KCNMB2: variants seen among roughly 807,000 people sequenced by gnomAD.
KCNMB2 encodes the protein calcium-activated potassium channel subunit beta-2.
In KCNMB2, 9 loss-of-function variants were observed where a neutral mutation model predicts 24.5. The observed-to-expected ratio is 0.37, with a 90% CI of 0.22 to 0.64. KCNMB2 has a LOEUF of 0.64. KCNMB2 is among the 30% of genes least tolerant of loss of function. The probability of loss-of-function intolerance (pLI) is 0.63; values close to 1 mark genes in which losing one functional copy is unlikely to be tolerated. For synonymous variants in KCNMB2, 109 were observed against 104.4 expected (o/e 1.04, Z -0.27); for missense variants, 226 against 284.3 (o/e 0.79, Z 1.47).
chr3:178,827,979 G>A (rs80111740), intron 3 of KCNMB2, among the ~76,000 whole-genome samples, 199 bp from the exon 4 acceptor site: 13 of 152,192 alleles, frequency 8.5e-5, no homozygotes, highest in Non-Finnish European at 1.8e-4. Context: ...ACGTTCTCAC[G>A]TGTCCACGTT....
intron 1 of KCNMB2, among the ~76,000 whole-genome samples, chr3:178,743,268 A>G (rs1195891154): frequency 1.3e-5 from 2 of 152,160 alleles, no homozygotes; most frequent in Non-Finnish European, 2.9e-5. Flanking sequence ...TACTGTAGAA[A>G]TGGTACACAT....
chr3:178,706,594 T>C (rs555483687), intron 1 of KCNMB2, among the ~76,000 whole-genome samples: 38 of 152,018 alleles, frequency 2.5e-4, no homozygotes, highest in Non-Finnish European at 4.7e-4. Context: ...AGGAACTTCA[T>C]AAAAAAGAGG....
At chr3:178,554,863 T>C (rs1425563759) in intron 1 of KCNMB2, among the ~76,000 whole-genome samples, 1 of 152,224 alleles carries the variant, frequency 6.6e-6, no homozygotes, top group African/African-American at 2.4e-5. Context: ...GGGTCTTTTG[T>C]AAGGACATGG....
At chr3:178,757,074 G>C (rs1167713098) in intron 1 of KCNMB2, 5 of 150,230 alleles carry the variant, frequency 3.3e-5, no homozygotes, top group African/African-American at 1.2e-4. Flanking sequence ...ACCCATCCTT[G>C]CTTACCTCTC....
chr3:178,597,744 C>T (rs1717928627), intron 1 of KCNMB2, among the ~76,000 whole-genome samples: 1 of 152,096 alleles, frequency 6.6e-6, no homozygotes, highest in Non-Finnish European at 1.5e-5. Context: ...TGCTCCTCAC[C>T]ATTCATTTTC....
At chr3:178,615,960 A>T (rs1718689950) in intron 1 of KCNMB2, among the ~76,000 whole-genome samples, 1 of 152,042 alleles carries the variant, frequency 6.6e-6, no homozygotes, top group Admixed American at 6.5e-5. Context: ...TAGAAATGTC[A>T]TCTGGGGGCT....
At chr3:178,757,332 G>GTATATATATCCAAGAGGATATATATATA (rs1724113178) in intron 1 of KCNMB2, among the ~76,000 whole-genome samples, 1 of 68,726 alleles carries the variant, frequency 1.5e-5, no homozygotes, top group Admixed American at 1.7e-4. Context: ...ATATATATAT[G>GTATATATATCCAAGAGGATATATATATA]TATATATATC....
At chr3:178,613,295 G>C (rs1718562588) in intron 1 of KCNMB2, among the ~76,000 whole-genome samples, 1 of 152,182 alleles carries the variant, frequency 6.6e-6, no homozygotes. Flanking sequence ...CTACTTGGGA[G>C]GCTGAGGCAG....
intron 1 of KCNMB2, among the ~76,000 whole-genome samples, chr3:178,665,548 C>A (rs1720688494): frequency 6.6e-6 from 1 of 152,090 alleles, no homozygotes; most frequent in Non-Finnish European, 1.5e-5. Context: ...TCTTTACAAG[C>A]TACTTTGCAC....
At chr3:178,612,259 T>C (rs994213674) in intron 1 of KCNMB2, among the ~76,000 whole-genome samples, 7 of 152,220 alleles carry the variant, frequency 4.6e-5, no homozygotes, top group Non-Finnish European at 1.5e-5. Flanking sequence ...AAATATCTAT[T>C]AGATCCATTT....
intron 1 of KCNMB2, among the ~76,000 whole-genome samples, chr3:178,765,342 G>A (rs974280075): frequency 6.6e-6 from 1 of 152,160 alleles, no homozygotes; most frequent in Non-Finnish European, 1.5e-5. Context: ...AAGATATGGG[G>A]TGAGTGTCTG....
At chr3:178,798,810 A>G (rs1250612750) in intron 1 of KCNMB2, among the ~76,000 whole-genome samples, 1 of 152,128 alleles carries the variant, frequency 6.6e-6, no homozygotes, top group African/African-American at 2.4e-5. Context: ...TGATAGGTGC[A>G]GCAAACCACC....
At chr3:178,693,072 A>C (rs1025063444) in intron 1 of KCNMB2, among the ~76,000 whole-genome samples, 3 of 152,196 alleles carry the variant, frequency 2.0e-5, no homozygotes, top group Non-Finnish European at 2.9e-5. Flanking sequence ...GTGTATAGAA[A>C]TGCTCATGAT....
chr3:178,742,500 G>A (rs183847791), intron 1 of KCNMB2, among the ~76,000 whole-genome samples: 232 of 152,188 alleles, frequency 1.5e-3, no homozygotes, highest in Non-Finnish European at 2.4e-3. Flanking sequence ...ATTTTTGGTC[G>A]AGGCAAAACT....
At chr3:178,606,913 A>G (rs529277722) in intron 1 of KCNMB2, among the ~76,000 whole-genome samples, 1 of 152,216 alleles carries the variant, frequency 6.6e-6, no homozygotes, top group South Asian at 2.1e-4. Flanking sequence ...TCATGTGAAG[A>G]CACAGCAAAA....
intron 1 of KCNMB2, among the ~76,000 whole-genome samples, chr3:178,712,384 A>T (rs1029088096): frequency 6.6e-6 from 1 of 152,206 alleles, no homozygotes; most frequent in African/African-American, 2.4e-5. Flanking sequence ...GGTTGCAGTC[A>T]TGTGAATAAG....
chr3:178,556,130 C>T (rs944891340), intron 1 of KCNMB2, among the ~76,000 whole-genome samples: 8 of 152,042 alleles, frequency 5.3e-5, no homozygotes, highest in South Asian at 2.1e-4. Context: ...TTCAGCAGGA[C>T]GTCACAGAGA....
Position 178,627,155 on chromosome 3 carries a change from C to T in KCNMB2, c.-68+90444C>T, listed in dbSNP as rs367854967. 3.7e-4 allele frequency among the ~76,000 whole-genome samples: 57 copies of T among 152,024 alleles called. 2 individuals carry two copies. In the South Asian group the frequency reaches 8.7e-3, roughly 23 times the overall value. ...ACATTGAGATTTATTTTATTCTCTCCGTGTTAAAAGTCTAAACTTCTGAAG... is the reference window on the plus strand; with the variant it reads ...ACATTGAGATTTATTTTATTCTCTCTGTGTTAAAAGTCTAAACTTCTGAAG... On this transcript the variant is annotated intron_variant, in intron 1 of 4. Coordinates refer to ENST00000452583, the MANE Select transcript of KCNMB2 (RefSeq NM_181361.3).
rs567433629 is a variant in KCNMB2, at chr3:178,842,812, G to A, written c.583G>A (p.Val195Met). The change falls in exon 5 of 5, where the codon GTG (valine) becomes ATG (methionine). Residue 195 changes from valine (V) to methionine (M), a missense_variant. Transcript: ENST00000452583. ...VILTKLYSSN[V>M]LFHSLFWPTC... is the part of the protein sequence containing the mutation. ...CCTAACAAAACTCTACAGTTCCAACGTGCTGTTCCATTCACTCTTCTGGCC... is the reference window on the plus strand; with the variant it reads ...CCTAACAAAACTCTACAGTTCCAACATGCTGTTCCATTCACTCTTCTGGCC... 1.2e-5 allele frequency: 20 copies of A among 1,613,988 alleles called. No individual in the cohort carries two copies. Among genetic ancestry groups the A allele is most frequent in the Admixed American group, 5.0e-5 (3 of 59,998 alleles).
Sources: allele counts gnomAD v4.1 joint callset (sites outside exome capture counted in the v4.1 genomes callset), GRCh38; gene constraint gnomAD v4.1.1; transcripts MANE v1.5; gene names NCBI Gene and HGNC (gene_info 2026-07-23, HGNC 2026-07-21).